Variants in ERI3 observed in about 807,000 individuals in gnomAD.
ERI3 encodes the protein ERI1 exoribonuclease family member 3, also known as ERI1 exoribonuclease 3.
In ERI3, 18 loss-of-function variants were observed where a neutral mutation model predicts 44.4. That is an observed-to-expected ratio of 0.41 (90% CI 0.28 to 0.60). The LOEUF (loss-of-function observed/expected upper bound fraction) is 0.60. Among genes scored for constraint, ERI3 ranks in the 20% least tolerant of loss-of-function variants. The pLI is 0.36. For missense variants in ERI3, 294 were observed against 435.5 expected, an observed-to-expected ratio of 0.68 and a Z score of 2.89; for synonymous variants, 183 against 164.8, an observed-to-expected ratio of 1.11 and a Z score of -0.84.
chr1:44,290,467 T>C (rs1487062712), intron 6 of ERI3, among the ~76,000 whole-genome samples: 1 of 152,176 alleles, frequency 6.6e-6, no homozygotes, highest in African/African-American at 2.4e-5. Flanking sequence ...CAAAGAATGC[T>C]GTCCCTAGCG....
intron 2 of ERI3, among the ~76,000 whole-genome samples, chr1:44,350,839 G>A (rs557696790): frequency 2.0e-4 from 31 of 152,094 alleles, no homozygotes; most frequent in Admixed American, 1.4e-3. Context: ...TCAAGCCTCA[G>A]CCTCCCAAAG....
At chr1:44,246,480 G>A (rs1200112213) in intron 8 of ERI3, among the ~76,000 whole-genome samples, 1 of 152,210 alleles carries the variant, frequency 6.6e-6, no homozygotes, top group Admixed American at 6.5e-5. Flanking sequence ...AGTTATGGTG[G>A]AGCACCCCCA....
chr1:44,302,938 G>C (rs945235133), intron 6 of ERI3, among the ~76,000 whole-genome samples: 1 of 152,196 alleles, frequency 6.6e-6, no homozygotes, highest in Non-Finnish European at 1.5e-5. Context: ...TTCCTCATTT[G>C]TTAAAAAAGG....
intron 3 of ERI3, among the ~76,000 whole-genome samples, chr1:44,328,490 G>C (rs1436704026): frequency 6.6e-6 from 1 of 152,164 alleles, no homozygotes; most frequent in Non-Finnish European, 1.5e-5. Context: ...GACGCTCGCT[G>C]AAGTCTGAAG....
chr1:44,245,194 T>A (rs1644529628), intron 8 of ERI3, among the ~76,000 whole-genome samples: 1 of 152,040 alleles, frequency 6.6e-6, no homozygotes. Context: ...TAAAGCTGTC[T>A]CTTTGGTGCG....
intron 8 of ERI3, among the ~76,000 whole-genome samples, chr1:44,227,649 T>C (rs1201037225): frequency 6.6e-6 from 1 of 152,208 alleles, no homozygotes; most frequent in Non-Finnish European, 1.5e-5. Flanking sequence ...AACTCTGTGA[T>C]GGGGACCCAA....
In ERI3 at chr1:44,221,360, G is replaced by T; in HGVS notation, c.*198C>A. ...GGGGTGGGGATGGGGGGCACAAAGTGTCTGCTCCAGAAGGGCCAAGTGGCC... is the reference window on the plus strand; with the variant it reads ...GGGGTGGGGATGGGGGGCACAAAGTTTCTGCTCCAGAAGGGCCAAGTGGCC... On this transcript the variant is annotated 3_prime_UTR_variant, in exon 9 of 9. Coordinates refer to ENST00000372257, the MANE Select transcript of ERI3 (RefSeq NM_024066.3). The surrounding 1 kb of genome is among the most constrained non-coding windows in gnomAD (Gnocchi z 5.9). The T allele has an allele frequency of 7.0e-6, 4 of 575,532 alleles. No homozygotes were observed. Among genetic ancestry groups the T allele is most frequent in the Non-Finnish European group, 1.2e-5 (4 of 322,900 alleles). The allele number at this position is 575,532 out of a possible 1,614,324, so 35.7% of individuals were successfully genotyped here.
intron 2 of ERI3, among the ~76,000 whole-genome samples, chr1:44,341,159 G>A (rs1333283914): frequency 6.6e-6 from 1 of 152,216 alleles, no homozygotes; most frequent in Non-Finnish European, 1.5e-5. Context: ...TGATGAGTAA[G>A]GAGGGCTTCC....
intron 4 of ERI3, among the ~76,000 whole-genome samples, chr1:44,317,144 G>GCACACA (rs10670781): frequency 0.14 from 20,747 of 151,044 alleles, 1,704 homozygotes; most frequent in Non-Finnish European, 0.2. Flanking sequence ...GCATGTGCGT[G>GCACACA]CACACACACA....
intron 8 of ERI3, among the ~76,000 whole-genome samples, chr1:44,233,552 T>TG (rs903074133): frequency 4.6e-5 from 7 of 152,138 alleles, no homozygotes; most frequent in South Asian, 2.1e-4. Context: ...TACAGGCTCT[T>TG]GCCACCACGC....
intron 6 of ERI3, among the ~76,000 whole-genome samples, chr1:44,304,913 C>A (rs1410387484): frequency 6.6e-6 from 1 of 152,196 alleles, no homozygotes; most frequent in Non-Finnish European, 1.5e-5. Context: ...TGTGTTCAAC[C>A]TCTCTCCTCC....
chr1:44,319,792 ACCATTT>A (rs909188358), intron 3 of ERI3, 48 bp from the exon 4 acceptor site: 1 of 1,335,532 alleles, frequency 7.5e-7, no homozygotes, highest in African/African-American at 1.4e-5. Context: ...ATTGTAATCA[ACCATTT>A]CCAACAGTAG....
In ERI3 at chr1:44,235,232, A is replaced by G. The variant is rs1302607863; in HGVS notation, c.931+12707T>C. 6.6e-6 allele frequency among the ~76,000 whole-genome samples: 1 copy of G among 152,036 alleles called. No individual in the cohort carries two copies. Among genetic ancestry groups the G allele is most frequent in the Non-Finnish European group, 1.5e-5 (1 of 67,996 alleles). ...AAGTCTGAGTTCTGGACCTGTTTAC[A>G]TCTCTGGTCTCATCAGTCCCACTCC... On this transcript the variant is annotated intron_variant, in intron 8 of 8. Coordinates refer to ENST00000372257, the MANE Select transcript of ERI3 (RefSeq NM_024066.3). This position sits in a 1 kb window ranked among gnomAD's most constrained non-coding sequence, Gnocchi z 4.6.
At chr1:44,330,735 A>C (rs1646410628) in intron 3 of ERI3, among the ~76,000 whole-genome samples, 1 of 152,236 alleles carries the variant, frequency 6.6e-6, no homozygotes, top group Non-Finnish European at 1.5e-5. Context: ...CTCAAAACTC[A>C]TCACATAAAT....
intron 3 of ERI3, among the ~76,000 whole-genome samples, chr1:44,321,602 T>C (rs925881483): frequency 3.9e-5 from 6 of 152,210 alleles, no homozygotes; most frequent in African/African-American, 1.2e-4. Flanking sequence ...CTCTGAGGTG[T>C]TGCCCATGAA....
At chr1:44,306,180 C>T (rs1174918141) in intron 6 of ERI3, among the ~76,000 whole-genome samples, 1 of 152,254 alleles carries the variant, frequency 6.6e-6, no homozygotes, top group Non-Finnish European at 1.5e-5. Flanking sequence ...CTGCCACCTG[C>T]TTCCTTTCTG....
In ERI3 at chr1:44,308,296, C is replaced by T; in HGVS notation, c.758+14G>A. The T allele has an allele frequency of 6.3e-7, 1 of 1,599,362 alleles. No individual in the cohort carries two copies. Among genetic ancestry groups the T allele is most frequent in the Non-Finnish European group, 8.6e-7 (1 of 1,166,578 alleles). ...TCCAAGCCCTGCCAGCAAAGCAGCCCTTCTCATACTCACATGACTTTTAAG... is the reference window on the plus strand; with the variant it reads ...TCCAAGCCCTGCCAGCAAAGCAGCCTTTCTCATACTCACATGACTTTTAAG... On this transcript the variant is annotated intron_variant, in intron 6 of 8. Transcript: ENST00000372257.
intron 3 of ERI3, among the ~76,000 whole-genome samples, chr1:44,332,778 G>A (rs1355406297): frequency 6.6e-6 from 1 of 152,208 alleles, no homozygotes; most frequent in Non-Finnish European, 1.5e-5. Flanking sequence ...CCAGGCGGAG[G>A]CCCATCCTTA....
chr1:44,253,875 T>C (rs1430580138), intron 7 of ERI3, among the ~76,000 whole-genome samples: 1 of 152,152 alleles, frequency 6.6e-6, no homozygotes, highest in Non-Finnish European at 1.5e-5. Context: ...CCTGACTATA[T>C]AACCACACAA....
Sources: allele counts gnomAD v4.1 joint callset (sites outside exome capture counted in the v4.1 genomes callset), GRCh38; gene constraint gnomAD v4.1.1; non-coding constraint Gnocchi (gnomAD v3.1); transcripts MANE v1.5; gene names NCBI Gene and HGNC (gene_info 2026-07-23, HGNC 2026-07-21).